The following RAB10 variants were observed in gnomAD, a reference collection of about 807,000 sequenced individuals.
RAB10 encodes the protein ras-related protein Rab-10.
RAB10 carries 5 observed loss-of-function variants against 25.7 expected under a neutral mutation model. The observed-to-expected ratio is 0.19, with a 90% CI of 0.10 to 0.41. The LOEUF (loss-of-function observed/expected upper bound fraction) is 0.41, where lower values mean the gene tolerates loss of function less well. RAB10 is among the 10% of genes least tolerant of loss of function. The pLI is 1.00. For synonymous variants in RAB10, 89 were observed against 86.4 expected, an observed-to-expected ratio of 1.03 and a Z score of -0.16; for missense variants, 103 against 245.8, an observed-to-expected ratio of 0.42 and a Z score of 3.89.
chr2:26,061,435 C>G (rs1420055517), intron 1 of RAB10, among the ~76,000 whole-genome samples: 1 of 151,966 alleles, frequency 6.6e-6, no homozygotes, highest in Non-Finnish European at 1.5e-5. Context: ...CTTTGAGAGA[C>G]AGGGTCTTGC....
intron 1 of RAB10, among the ~76,000 whole-genome samples, chr2:26,046,595 T>A (rs1031631154): frequency 7.2e-5 from 11 of 152,150 alleles, no homozygotes; most frequent in African/African-American, 2.6e-4. Context: ...TTAAAAAAAA[T>A]TAATAGAGAT....
At chr2:26,054,906 A>G (rs1017424187) in intron 1 of RAB10, among the ~76,000 whole-genome samples, 3 of 152,060 alleles carry the variant, frequency 2.0e-5, no homozygotes, top group Non-Finnish European at 4.4e-5. Context: ...GCTTGAGCCC[A>G]GGAGGTGGAG....
At chr2:26,101,553 A>C (rs1048778263) in intron 2 of RAB10, 24 of 152,764 alleles carry the variant, frequency 1.6e-4, no homozygotes, top group African/African-American at 5.8e-4. Context: ...GATAGGGGTC[A>C]TCAGCAGCAG....
intron 1 of RAB10, among the ~76,000 whole-genome samples, chr2:26,075,738 A>G (rs537207850): frequency 9.2e-5 from 14 of 152,188 alleles, no homozygotes; most frequent in African/African-American, 3.4e-4. Context: ...CAGTTAATCA[A>G]CAAGTCTTGA....
intron 4 of RAB10, 134 bp downstream of exon 4, chr2:26,127,367 T>C: frequency 1.4e-6 from 1 of 690,488 alleles, no homozygotes. Flanking sequence ...TTGGAAATAA[T>C]ATTTTATCAT....
intron 5 of RAB10, among the ~76,000 whole-genome samples, chr2:26,131,989 A>G (rs1668021569): frequency 6.6e-6 from 1 of 152,244 alleles, no homozygotes; most frequent in African/African-American, 2.4e-5. Context: ...ATTATTTTCC[A>G]CACGCACATA....
intron 1 of RAB10, among the ~76,000 whole-genome samples, chr2:26,081,371 T>G (rs1316493239): frequency 6.6e-6 from 1 of 152,094 alleles, no homozygotes; most frequent in Non-Finnish European, 1.5e-5. Context: ...CATTCCTGAC[T>G]CCTCCACCCC....
In RAB10 at chr2:26,055,760, A is replaced by G. The variant is rs1225531518; in HGVS notation, c.127+21025A>G. On this transcript the variant is annotated intron_variant, in intron 1 of 5. Coordinates refer to ENST00000264710, the MANE Select transcript of RAB10 (RefSeq NM_016131.5). ...GGCTGGTCTCAAATTTCTGGCCTCA[A>G]GTGATCCACCTGCCTTGGCCTCCCA... is the stretch of plus-strand genomic sequence containing the variant. Among the ~76,000 whole-genome samples, 2 of 151,766 alleles carry G rather than the reference A, an allele frequency of 1.3e-5. 1 individual carries two copies. Among genetic ancestry groups the G allele is most frequent in the South Asian group, 4.2e-4 (2 of 4,802 alleles).
intron 1 of RAB10, among the ~76,000 whole-genome samples, chr2:26,059,163 C>T (rs1666345132): frequency 6.6e-6 from 1 of 152,198 alleles, no homozygotes. Context: ...AAGTATTACA[C>T]TAATTGCTTT....
At chr2:26,048,037 GT>G (rs61183627) in intron 1 of RAB10, among the ~76,000 whole-genome samples, 2,387 of 134,638 alleles carry the variant, frequency 0.018, 48 homozygotes, top group African/African-American at 0.054. Context: ...GGGCCCATTA[GT>G]TTTTTTTTTT....
chr2:26,044,875 C>T (rs1396207798), intron 1 of RAB10, among the ~76,000 whole-genome samples: 1 of 151,956 alleles, frequency 6.6e-6, no homozygotes, highest in East Asian at 1.9e-4. Flanking sequence ...CACAGCCAAT[C>T]TTATTCATAA....
At chr2:26,044,264 G>A (rs968038985) in intron 1 of RAB10, among the ~76,000 whole-genome samples, 1 of 152,162 alleles carries the variant, frequency 6.6e-6, no homozygotes, top group Non-Finnish European at 1.5e-5. Context: ...GATCACAGAC[G>A]GCCCCTCCTG....
intron 1 of RAB10, among the ~76,000 whole-genome samples, chr2:26,045,208 A>G (rs1199491905): frequency 6.6e-6 from 1 of 150,924 alleles, no homozygotes; most frequent in Non-Finnish European, 1.5e-5. Flanking sequence ...GGGAGAGGCT[A>G]ATAAGAGAAA....
chr2:26,100,254 A>G (rs1444458345), intron 2 of RAB10, among the ~76,000 whole-genome samples: 3 of 152,268 alleles, frequency 2.0e-5, no homozygotes, highest in Admixed American at 6.5e-5. Context: ...TAAACATTGT[A>G]CATGTTCACA....
chr2:26,097,942 C>T (rs1667258543), intron 1 of RAB10, among the ~76,000 whole-genome samples: 1 of 152,062 alleles, frequency 6.6e-6, no homozygotes, highest in African/African-American at 2.4e-5. Flanking sequence ...GACCCTCTAT[C>T]CTTGGTAGTT....
At chr2:26,091,040 G>A (rs918552662) in intron 1 of RAB10, among the ~76,000 whole-genome samples, 1 of 152,082 alleles carries the variant, frequency 6.6e-6, no homozygotes, top group Non-Finnish European at 1.5e-5. Context: ...GGCTTGTCAA[G>A]TGATGTTTCA....
intron 1 of RAB10, among the ~76,000 whole-genome samples, chr2:26,066,530 T>TG (rs1462336810): frequency 6.6e-6 from 1 of 152,244 alleles, no homozygotes; most frequent in East Asian, 1.9e-4. Flanking sequence ...TCCTCATGGC[T>TG]GGGGAGGCCT....
chr2:26,084,119 T>A (rs918168500), intron 1 of RAB10, among the ~76,000 whole-genome samples: 18 of 152,218 alleles, frequency 1.2e-4, no homozygotes, highest in African/African-American at 3.9e-4. Flanking sequence ...TGTTATTTTC[T>A]CTGCCTGGAA....
chr2:26,118,736 G>A (rs548915907), intron 3 of RAB10, among the ~76,000 whole-genome samples: 28 of 152,230 alleles, frequency 1.8e-4, no homozygotes, highest in African/African-American at 6.0e-4. Context: ...CAAAATGTCT[G>A]TATGGCCGAA....
Sources: allele counts gnomAD v4.1 joint callset (sites outside exome capture counted in the v4.1 genomes callset), GRCh38; gene constraint gnomAD v4.1.1; transcripts MANE v1.5; gene names NCBI Gene and HGNC (gene_info 2026-07-23, HGNC 2026-07-21).